KLHL6: variants seen among roughly 807,000 people sequenced by gnomAD.
The protein encoded by KLHL6 is kelch like family member 6, also known as kelch-like protein 6.
In KLHL6, 41 loss-of-function variants were observed where a neutral mutation model predicts 58.6. That is an observed-to-expected ratio of 0.70 (90% confidence interval 0.55 to 0.91). The LOEUF (loss-of-function observed/expected upper bound fraction) is 0.91, where lower values mean the gene tolerates loss of function less well. KLHL6 is among the 40% of genes least tolerant of loss of function. The probability of loss-of-function intolerance (pLI) is 0.00; values close to 1 mark genes in which losing one functional copy is unlikely to be tolerated. For synonymous variants in KLHL6, 338 were observed against 322.7 expected (o/e 1.05, Z -0.51); for missense variants, 714 against 805.6 (o/e 0.89, Z 1.38).
chr3:183,500,677 A>G (rs1717843926), intron 3 of KLHL6, among the ~76,000 whole-genome samples: 1 of 152,176 alleles, frequency 6.6e-6, no homozygotes, highest in African/African-American at 2.4e-5. Context: ...GGTAGATGCC[A>G]TGTTGATACT....
chr3:183,513,077 A>G (rs990149436), intron 2 of KLHL6, among the ~76,000 whole-genome samples: 4 of 152,222 alleles, frequency 2.6e-5, no homozygotes, highest in African/African-American at 9.6e-5. Context: ...GTTGTATGAC[A>G]ACTTTACTAT....
intron 3 of KLHL6, among the ~76,000 whole-genome samples, chr3:183,507,420 T>C (rs1577181993): frequency 6.6e-6 from 1 of 151,756 alleles, no homozygotes; most frequent in South Asian, 2.1e-4. Flanking sequence ...TTTTTTTGTT[T>C]TTTGTTTGTT....
chr3:183,529,899 C>T (rs1002658062), intron 1 of KLHL6, among the ~76,000 whole-genome samples: 1 of 151,940 alleles, frequency 6.6e-6, no homozygotes, highest in South Asian at 2.1e-4. Flanking sequence ...AGGTCCTAAT[C>T]GGATAGGATT....
At chr3:183,501,635 T>A (rs1200577714) in intron 3 of KLHL6, among the ~76,000 whole-genome samples, 1 of 152,174 alleles carries the variant, frequency 6.6e-6, no homozygotes, top group Non-Finnish European at 1.5e-5. Context: ...TGGCACCTCG[T>A]TCCTTGGTCC....
intron 2 of KLHL6, among the ~76,000 whole-genome samples, chr3:183,512,116 G>T (rs539960830): frequency 1.3e-5 from 2 of 152,270 alleles, no homozygotes; most frequent in Non-Finnish European, 1.5e-5. Flanking sequence ...ACCAAGCCTC[G>T]TGAGCCCTCA....
chr3:183,506,684 C>A (rs753787454), intron 3 of KLHL6, among the ~76,000 whole-genome samples: 1 of 151,676 alleles, frequency 6.6e-6, no homozygotes, highest in Non-Finnish European at 1.5e-5. Context: ...AAAAATTAGC[C>A]GGGTGTGGTA....
At position 183,529,681 on chromosome 3, in the gene KLHL6, T is replaced by G. The variant is rs533363707; in HGVS notation, c.294-1671A>C. Reference sequence around the variant, plus strand: ...TCCATCTCTACAACAATACAAAAACTAGCCAGTCATGTCTAATCTCTTGAA... The same window carrying G: ...TCCATCTCTACAACAATACAAAAACGAGCCAGTCATGTCTAATCTCTTGAA... On this transcript the variant is annotated intron_variant, in intron 1 of 6. Transcript: ENST00000341319. Among the ~76,000 whole-genome samples the G allele has an allele frequency of 4.4e-4, 67 of 151,898 alleles. 2 individuals are homozygous for G. The South Asian group carries it at 0.014, about 32-fold the overall frequency.
At chr3:183,514,133 G>C (rs751437010) in intron 2 of KLHL6, among the ~76,000 whole-genome samples, 8 of 152,218 alleles carry the variant, frequency 5.3e-5, no homozygotes, top group African/African-American at 1.9e-4. Flanking sequence ...GGTGAGCAGA[G>C]ACAAAGCGCC....
At chr3:183,538,734 T>G (rs1403595822) in intron 1 of KLHL6, among the ~76,000 whole-genome samples, 1 of 152,110 alleles carries the variant, frequency 6.6e-6, no homozygotes, top group East Asian at 1.9e-4. Context: ...CTCTCTATGG[T>G]CCCCAGCACT....
At chr3:183,548,763 A>C (rs975621086) in intron 1 of KLHL6, 1 of 152,254 alleles carries the variant, frequency 6.6e-6, no homozygotes, top group Non-Finnish European at 1.5e-5. Flanking sequence ...CAGAAAGCCC[A>C]GGTGATAGAA....
In KLHL6 at chr3:183,519,040, C is replaced by A. The variant is rs536249716; in HGVS notation, c.459+8805G>T. Among the ~76,000 whole-genome samples the A allele has an allele frequency of 7.9e-5, 12 of 152,284 alleles. No homozygotes were observed. In the East Asian group the frequency reaches 2.3e-3, roughly 29 times the overall value. ...AGAACAAAAGAACATGTGCCTTGAT[C>A]GCCGAGCTGAAAGCAGAAAAGCAGC... On this transcript the variant is annotated intron_variant, in intron 2 of 6. Coordinates refer to ENST00000341319, the MANE Select transcript of KLHL6 (RefSeq NM_130446.4).
intron 3 of KLHL6, among the ~76,000 whole-genome samples, chr3:183,500,075 C>G (rs1717830267): frequency 6.6e-6 from 1 of 152,192 alleles, no homozygotes; most frequent in South Asian, 2.1e-4. Context: ...TGGTGCATAA[C>G]AGGTACTCAA....
chr3:183,541,218 T>C (rs1712541951), intron 1 of KLHL6, among the ~76,000 whole-genome samples: 2 of 152,208 alleles, frequency 1.3e-5, no homozygotes, highest in African/African-American at 4.8e-5. Flanking sequence ...GATGATCCTA[T>C]GTGCGTTCTA....
chr3:183,541,130 T>C (rs1441719473), intron 1 of KLHL6, among the ~76,000 whole-genome samples: 2 of 152,248 alleles, frequency 1.3e-5, no homozygotes, highest in African/African-American at 2.4e-5. Flanking sequence ...AAGCTGGCAC[T>C]GGCCCCAGTC....
chr3:183,509,221 G>T (rs2108675229), intron 2 of KLHL6, among the ~76,000 whole-genome samples: 1 of 152,308 alleles, frequency 6.6e-6, no homozygotes, highest in Middle Eastern at 3.4e-3. Flanking sequence ...ATTTTTTAAA[G>T]TTGGAGAAAT....
intron 3 of KLHL6, among the ~76,000 whole-genome samples, chr3:183,502,087 C>T (rs926648523): frequency 2.6e-5 from 4 of 152,040 alleles, no homozygotes; most frequent in South Asian, 2.1e-4. Flanking sequence ...GTCAGGAGTT[C>T]GAGATCAGCC....
intron 4 of KLHL6, among the ~76,000 whole-genome samples, chr3:183,498,732 T>TGCTA (rs908158005): frequency 1.3e-5 from 2 of 152,218 alleles, no homozygotes; most frequent in Non-Finnish European, 2.9e-5. Context: ...TCAGGCACAG[T>TGCTA]GCTAGGTACA....
At chr3:183,521,897 G>A (rs1711774842) in intron 2 of KLHL6, 1 of 150,710 alleles carries the variant, frequency 6.6e-6, no homozygotes, top group Non-Finnish European at 1.5e-5. Context: ...GTTTCACCAT[G>A]TTAGTTAGGC....
At chr3:183,540,731 A>C (rs575317328) in intron 1 of KLHL6, among the ~76,000 whole-genome samples, 1 of 152,164 alleles carries the variant, frequency 6.6e-6, no homozygotes, top group South Asian at 2.1e-4. Context: ...AAGCTCTCCT[A>C]CCTGAGAGTT....
Sources: gnomAD v4.1 joint callset for allele counts (sites outside exome capture counted in the v4.1 genomes callset) on GRCh38, gnomAD v4.1.1 for gene constraint, MANE v1.5 for transcripts, NCBI Gene and HGNC (gene_info 2026-07-23, HGNC 2026-07-21) for gene names.